The following FBXW7 variants were observed in gnomAD, a reference collection of about 807,000 sequenced individuals.
FBXW7 encodes F-box and WD repeat domain containing 7, also known as F-box/WD repeat-containing protein 7.
Under a neutral mutation model 86.3 loss-of-function variants are expected in FBXW7, and 11 were observed. The observed-to-expected ratio is 0.13, with a 90% confidence interval of 0.08 to 0.21. FBXW7 has a LOEUF of 0.21. Among genes scored for constraint, FBXW7 ranks in the 10% least tolerant of loss-of-function variants. The probability of loss-of-function intolerance (pLI) is 1.00; values close to 1 mark genes in which losing one functional copy is unlikely to be tolerated. For missense variants in FBXW7, 488 were observed against 847.4 expected (o/e 0.58, Z 5.27); for synonymous variants, 313 against 297.9 (o/e 1.05, Z -0.52).
chr4:152,374,889 G>C (rs529399909), intron 4 of FBXW7, among the ~76,000 whole-genome samples: 71 of 146,962 alleles, frequency 4.8e-4, no homozygotes, highest in East Asian at 1.3e-3. Flanking sequence ...GTTACAGGAG[G>C]GGGGGGGATG....
chr4:152,393,457 TA>T (rs1209007395), intron 4 of FBXW7, among the ~76,000 whole-genome samples: 10 of 151,968 alleles, frequency 6.6e-5, no homozygotes, highest in Non-Finnish European at 1.0e-4. Flanking sequence ...AGTAACAGAG[TA>T]AAATGATAAT....
chr4:152,356,762 T>C (rs1732419169), intron 4 of FBXW7, among the ~76,000 whole-genome samples: 1 of 152,238 alleles, frequency 6.6e-6, no homozygotes, highest in South Asian at 2.1e-4. Flanking sequence ...AATAAACCTG[T>C]TCTATTACAG....
Position 152,503,917 on chromosome 4 carries a change from T to A in FBXW7, c.-120+31024A>T, listed in dbSNP as rs540498713. The stretch of plus-strand genomic sequence containing the variant: ...TTGTTCAGTATGTACATGCCAAAAA[T>A]ATGAATCCTAGCCAGTTCATGGAAA... On this transcript the variant is annotated intron_variant, in intron 2 of 13. Coordinates refer to ENST00000281708, the MANE Select transcript of FBXW7 (RefSeq NM_001349798.2). 2.0e-5 allele frequency among the ~76,000 whole-genome samples: 3 copies of A among 152,242 alleles called. No individual in the cohort carries two copies. In the East Asian group the frequency reaches 5.8e-4, roughly 29 times the overall value.
At chr4:152,473,659 T>C (rs1434965413) in intron 2 of FBXW7, among the ~76,000 whole-genome samples, 2 of 152,026 alleles carry the variant, frequency 1.3e-5, no homozygotes, top group South Asian at 2.1e-4. Context: ...TTTTTTTTTA[T>C]TTTCCATAGA....
chr4:152,401,913 G>T (rs1044366855), intron 4 of FBXW7, among the ~76,000 whole-genome samples: 3 of 152,110 alleles, frequency 2.0e-5, no homozygotes, highest in African/African-American at 7.2e-5. Flanking sequence ...CAGACCTCAA[G>T]GATCAATAAT....
chr4:152,530,294 T>C (rs939715234), intron 2 of FBXW7: 2 of 152,204 alleles, frequency 1.3e-5, no homozygotes, highest in African/African-American at 2.4e-5. Flanking sequence ...AAGACTTTAA[T>C]AGATAGCAGT....
At chr4:152,429,890 T>C (rs1739736183) in intron 2 of FBXW7, among the ~76,000 whole-genome samples, 1 of 152,210 alleles carries the variant, frequency 6.6e-6, no homozygotes, top group South Asian at 2.1e-4. Flanking sequence ...CCTACAAGAT[T>C]TTCTGCTAAT....
At chr4:152,533,394 T>C (rs1355366718) in intron 2 of FBXW7, among the ~76,000 whole-genome samples, 2 of 152,130 alleles carry the variant, frequency 1.3e-5, no homozygotes, top group Non-Finnish European at 2.9e-5. Flanking sequence ...CTCTTTGCAA[T>C]ATCTTAGTGA....
rs935341830 is a variant in FBXW7 at position 152,465,382 on chromosome 4, C to G, written c.-119-52853G>C. On this transcript the variant is annotated intron_variant, in intron 2 of 13. Transcript: ENST00000281708. The stretch of plus-strand genomic sequence containing the variant: ...AGGTCACCAAAATCCTCTTAATTAC[C>G]ACATTTGATATAAACAATTGGAGGT... Among the ~76,000 whole-genome samples the G allele has an allele frequency of 3.9e-5, 6 of 152,218 alleles. No homozygotes were observed. The South Asian group carries it at 6.2e-4, about 16-fold the overall frequency.
In FBXW7 at chr4:152,360,362, G is replaced by A. The variant is rs539442242; in HGVS notation, c.502-10238C>T. ...CAAGTTGTACTCCTGAATACACAGCGCAGGGAAATGGTGTATAAAACATTC... is the reference window on the plus strand; with the variant it reads ...CAAGTTGTACTCCTGAATACACAGCACAGGGAAATGGTGTATAAAACATTC... On this transcript the variant is annotated intron_variant, in intron 4 of 13. Coordinates refer to ENST00000281708, the MANE Select transcript of FBXW7 (RefSeq NM_001349798.2). 1.2e-4 allele frequency among the ~76,000 whole-genome samples: 18 copies of A among 152,228 alleles called. No individual in the cohort carries two copies. The South Asian group carries it at 1.7e-3, about 14-fold the overall frequency.
intron 4 of FBXW7, among the ~76,000 whole-genome samples, chr4:152,409,311 A>G (rs1227905473): frequency 3.9e-5 from 6 of 152,172 alleles, no homozygotes; most frequent in Non-Finnish European, 8.8e-5. Flanking sequence ...GACTTGAATG[A>G]AACTATGGTC....
intron 2 of FBXW7, among the ~76,000 whole-genome samples, chr4:152,466,583 C>T (rs373508677): frequency 2.8e-4 from 43 of 151,700 alleles, no homozygotes; most frequent in African/African-American, 1.0e-3. Context: ...AAGACATTTA[C>T]TTAATAGAGG....
intron 4 of FBXW7, among the ~76,000 whole-genome samples, chr4:152,399,088 C>T (rs539287325): frequency 5.3e-5 from 8 of 152,230 alleles, no homozygotes; most frequent in African/African-American, 1.2e-4. Flanking sequence ...CACTTACTAG[C>T]GTTAAGCAAT....
chr4:152,500,180 G>A, intron 2 of FBXW7, among the ~76,000 whole-genome samples: 1 of 152,270 alleles, frequency 6.6e-6, no homozygotes, highest in East Asian at 1.9e-4. Context: ...GGGAATAGGG[G>A]AGGTAAGTGA....
chr4:152,404,815 G>T (rs1000751528), intron 4 of FBXW7, among the ~76,000 whole-genome samples: 8 of 152,038 alleles, frequency 5.3e-5, no homozygotes, highest in African/African-American at 1.9e-4. Flanking sequence ...AATGAGGCTG[G>T]GGCATGGTGG....
intron 2 of FBXW7, among the ~76,000 whole-genome samples, chr4:152,418,569 G>C: frequency 6.6e-6 from 1 of 151,976 alleles, no homozygotes; most frequent in Admixed American, 6.6e-5. Flanking sequence ...AAGGGATCCT[G>C]TTTCTGAATG....
chr4:152,520,776 T>C (rs911714249), intron 2 of FBXW7, among the ~76,000 whole-genome samples: 1 of 152,216 alleles, frequency 6.6e-6, no homozygotes, highest in Non-Finnish European at 1.5e-5. Context: ...AAAGTTTCAC[T>C]ACTGAGTCAA....
chr4:152,364,353 C>A (rs1733263019), intron 4 of FBXW7, among the ~76,000 whole-genome samples: 1 of 152,154 alleles, frequency 6.6e-6, no homozygotes, highest in African/African-American at 2.4e-5. Flanking sequence ...GCTGAAAACA[C>A]AAACATCAAA....
intron 2 of FBXW7, among the ~76,000 whole-genome samples, chr4:152,522,900 T>C (rs989779870): frequency 7.9e-5 from 12 of 152,176 alleles, no homozygotes; most frequent in African/African-American, 2.7e-4. Context: ...ACCCAAACAA[T>C]GATGGCTCAA....
Sources: gnomAD v4.1 joint callset for allele counts (sites outside exome capture counted in the v4.1 genomes callset) on GRCh38, gnomAD v4.1.1 for gene constraint, MANE v1.5 for transcripts, NCBI Gene and HGNC (gene_info 2026-07-23, HGNC 2026-07-21) for gene names.